AKAP6: variants seen among roughly 807,000 people sequenced by gnomAD.
AKAP6 encodes the protein A-kinase anchor protein 6.
Under a neutral mutation model 188.5 loss-of-function variants are expected in AKAP6, and 58 were observed. The observed-to-expected ratio is 0.31, with a 90% CI of 0.25 to 0.38. AKAP6 has a LOEUF of 0.38. Among genes scored for constraint, AKAP6 ranks in the 10% least tolerant of loss-of-function variants. The pLI, the probability that AKAP6 is intolerant of heterozygous loss-of-function variation, is 1.00. For synonymous variants in AKAP6, 989 were observed against 998.6 expected (o/e 0.99, Z 0.18); for missense variants, 2,710 against 2,740.0 (o/e 0.99, Z 0.24).
intron 11 of AKAP6, among the ~76,000 whole-genome samples, chr14:32,742,030 T>C (rs1353452080): frequency 6.6e-6 from 1 of 151,804 alleles, no homozygotes; most frequent in African/African-American, 2.4e-5. Context: ...GGGGATTTTT[T>C]ATTATGGCTT....
At chr14:32,729,220 T>G (rs990037507) in intron 9 of AKAP6, among the ~76,000 whole-genome samples, 61 of 152,094 alleles carry the variant, frequency 4.0e-4, no homozygotes, top group Non-Finnish European at 2.2e-4. Context: ...TTAACACTGT[T>G]TCAAGGCATT....
At chr14:32,359,370 G>A (rs1887584918) in intron 1 of AKAP6, among the ~76,000 whole-genome samples, 2 of 151,892 alleles carry the variant, frequency 1.3e-5, no homozygotes, top group South Asian at 4.2e-4. Flanking sequence ...GCAGAAAAAA[G>A]GAAAGTCATA....
At chr14:32,438,946 T>A (rs1328700074) in intron 2 of AKAP6, 3 of 152,202 alleles carry the variant, frequency 2.0e-5, no homozygotes, top group Non-Finnish European at 4.4e-5. Context: ...AGGCAAGGTG[T>A]AGGCTAGCTA....
chr14:32,331,876 T>C (rs1014098644), intron 1 of AKAP6, among the ~76,000 whole-genome samples: 2 of 152,130 alleles, frequency 1.3e-5, no homozygotes, highest in Non-Finnish European at 2.9e-5. Flanking sequence ...CTCTATACTT[T>C]TGGTCATGGC....
chr14:32,822,260 A>T lies in AKAP6; in HGVS notation c.4447A>T (p.Ile1483Leu), dbSNP rs926878987. ...AGGCTCAAAACTCAAATTACCAATGATAATGAAACAGTCACAAAGCGAAAA... is the reference window on the plus strand; with the variant it reads ...AGGCTCAAAACTCAAATTACCAATGTTAATGAAACAGTCACAAAGCGAAAA... The part of the protein sequence containing the change: ...LQGSKLKLPM[I>L]MKQSQSEKAH... Residue 1483 changes from isoleucine (I) to leucine (L), a missense_variant, in exon 13 of 14, where the codon ATA becomes TTA. By Grantham distance (5) the Ile-to-Leu change is conservative. Transcript: ENST00000280979. The T allele has an allele frequency of 6.2e-7, 1 of 1,613,934 alleles. No individual in the cohort carries two copies. Among genetic ancestry groups the T allele is most frequent in the East Asian group, 2.2e-5 (1 of 44,864 alleles).
chr14:32,579,764 T>C (rs754764215), intron 5 of AKAP6, among the ~76,000 whole-genome samples: 2 of 152,184 alleles, frequency 1.3e-5, no homozygotes, highest in Non-Finnish European at 2.9e-5. Context: ...GAATTAATGA[T>C]AAGTTATTCT....
Position 32,821,648 on chromosome 14 carries a change from G to A in AKAP6, c.3835G>A (p.Ala1279Thr), listed in dbSNP as rs1204516987. ...GGSQYASNIT[A>T]PSSPHIYQVY... The stretch of plus-strand genomic sequence containing the variant: ...ATCTCAGTATGCCTCAAATATTACT[G>A]CCCCCTCTAGTCCACACATTTACCA... Residue 1279 changes from alanine to threonine, a missense_variant, in exon 13 of 14, where the codon GCC (alanine) becomes ACC (threonine). Around this residue, in one of 2 missense-constraint regions of AKAP6, gnomAD observed 2,473 missense variants for 2,426.1 expected, o/e 1.02. Coordinates refer to ENST00000280979, the MANE Select transcript of AKAP6 (RefSeq NM_004274.5). 1.2e-6 allele frequency: 2 copies of A among 1,613,620 alleles called. No individual in the cohort carries two copies. Among genetic ancestry groups the A allele is most frequent in the Non-Finnish European group, 1.7e-6 (2 of 1,179,874 alleles).
At chr14:32,341,925 T>C (rs1052557398) in intron 1 of AKAP6, among the ~76,000 whole-genome samples, 4 of 152,150 alleles carry the variant, frequency 2.6e-5, no homozygotes, top group East Asian at 1.9e-4. Flanking sequence ...GGCAAGAAGA[T>C]TGCTTGAGCC....
intron 12 of AKAP6, among the ~76,000 whole-genome samples, chr14:32,787,268 G>A (rs1025479291): frequency 6.6e-6 from 1 of 152,220 alleles, no homozygotes; most frequent in Non-Finnish European, 1.5e-5. Flanking sequence ...TTATTATTTG[G>A]TGATGCATAT....
chr14:32,415,280 A>G (rs1373049286), intron 1 of AKAP6, among the ~76,000 whole-genome samples: 1 of 152,176 alleles, frequency 6.6e-6, no homozygotes, highest in Non-Finnish European at 1.5e-5. Context: ...AACTGAGCAG[A>G]TACTCAATCA....
chr14:32,394,884 C>G (rs866112889), intron 1 of AKAP6, among the ~76,000 whole-genome samples: 1 of 152,144 alleles, frequency 6.6e-6, no homozygotes, highest in African/African-American at 2.4e-5. Flanking sequence ...GAAAATATCT[C>G]TGCAAAATTA....
chr14:32,460,554 T>C (rs1891287510), intron 2 of AKAP6, among the ~76,000 whole-genome samples: 1 of 152,228 alleles, frequency 6.6e-6, no homozygotes, highest in Non-Finnish European at 1.5e-5. Flanking sequence ...ACTATGCTTT[T>C]CCCACGGTGT....
At chr14:32,437,675 C>A (rs1483905837) in intron 2 of AKAP6, among the ~76,000 whole-genome samples, 1 of 152,068 alleles carries the variant, frequency 6.6e-6, no homozygotes, top group Admixed American at 6.6e-5. Flanking sequence ...GGGCTCACTG[C>A]AACCTTTGAC....
At chr14:32,489,069 G>C (rs1408351471) in intron 2 of AKAP6, among the ~76,000 whole-genome samples, 1 of 152,078 alleles carries the variant, frequency 6.6e-6, no homozygotes, top group East Asian at 1.9e-4. Context: ...GTTTTCATTA[G>C]GATGATGTTA....
At chr14:32,653,607 T>C (rs1259355080) in intron 7 of AKAP6, among the ~76,000 whole-genome samples, 9 of 150,410 alleles carry the variant, frequency 6.0e-5, no homozygotes, top group African/African-American at 2.2e-4. Context: ...CAATTAATCC[T>C]CTTTTCTTTA....
intron 1 of AKAP6, among the ~76,000 whole-genome samples, chr14:32,375,234 G>A (rs1888122689): frequency 6.6e-6 from 1 of 152,152 alleles, no homozygotes; most frequent in Non-Finnish European, 1.5e-5. Flanking sequence ...AGGTTTTCTA[G>A]CTTTGACGAC....
chr14:32,386,586 C>T (rs1888543714), intron 1 of AKAP6, among the ~76,000 whole-genome samples: 1 of 152,072 alleles, frequency 6.6e-6, no homozygotes, highest in South Asian at 2.1e-4. Context: ...GTTTCTTTTG[C>T]CATGCAAAAG....
At chr14:32,413,294 C>T (rs1408292572) in intron 1 of AKAP6, among the ~76,000 whole-genome samples, 1 of 150,828 alleles carries the variant, frequency 6.6e-6, no homozygotes, top group Non-Finnish European at 1.5e-5. Context: ...GTGATCCTCC[C>T]ACCTCAGCCT....
At chr14:32,465,374 C>CCAAAACAGCG (rs1447948427) in intron 2 of AKAP6, among the ~76,000 whole-genome samples, 1 of 65,908 alleles carries the variant, frequency 1.5e-5, no homozygotes, top group African/African-American at 2.8e-4. Context: ...CAGCGTGGTA[C>CCAAAACAGCG]TGGTACCAAA....
Sources: allele counts gnomAD v4.1 joint callset (sites outside exome capture counted in the v4.1 genomes callset), GRCh38; gene constraint gnomAD v4.1.1; regional missense constraint gnomAD v4.1.1; transcripts MANE v1.5; gene names NCBI Gene and HGNC (gene_info 2026-07-23, HGNC 2026-07-21).